The following ABCB4 variants were observed in gnomAD, a reference collection of about 807,000 sequenced individuals.
ABCB4 encodes ATP binding cassette subfamily B member 4, also known as phosphatidylcholine translocator ABCB4.
Under a neutral mutation model 145.7 loss-of-function variants are expected in ABCB4, and 76 were observed. That is an observed-to-expected ratio of 0.52 (90% CI 0.43 to 0.63). The LOEUF (loss-of-function observed/expected upper bound fraction) is 0.63, where lower values mean the gene tolerates loss of function less well. Ranked by LOEUF, ABCB4 falls within the 30% of genes least tolerant of loss-of-function variation. ABCB4 has a pLI of 0.00. For synonymous variants in ABCB4, 517 were observed against 566.8 expected (o/e 0.91, Z 1.25); for missense variants, 1,234 against 1,553.1 (o/e 0.79, Z 3.45).
chr7:87,378,173 G>A, the ABCB4 span, among the ~76,000 whole-genome samples: 3 of 151,716 alleles, frequency 2.0e-5, no homozygotes, highest in Non-Finnish European at 4.4e-5. Flanking sequence ...ATGAAACCCC[G>A]TCTCTACAAA....
At chr7:87,440,153 G>A in intron 13 of ABCB4, 46 bp downstream of exon 13, 1 of 1,558,694 alleles carries the variant, frequency 6.4e-7, no homozygotes, top group African/African-American at 1.4e-5. Flanking sequence ...AGTCCTATGA[G>A]GTGAAATTCT....
At position 87,427,970 on chromosome 7, in the gene ABCB4, G is replaced by GTC. The variant is rs566110022; in HGVS notation, c.1894-1051_1894-1050insGA. 3.3e-5 allele frequency among the ~76,000 whole-genome samples: 5 copies of GTC among 152,110 alleles called. No individual in the cohort carries two copies. In the South Asian group the frequency reaches 1.0e-3, roughly 32 times the overall value. ...TCTCACTGCCATCTGTTCCCACACT[G>GTC]CTACCAGATTTATTTTCCTAAAGGG... On this transcript the variant is annotated intron_variant, in intron 15 of 27. Coordinates refer to ENST00000649586, the MANE Select transcript of ABCB4 (RefSeq NM_000443.4).
At chr7:87,427,527 C>T (rs1809923568) in intron 15 of ABCB4, among the ~76,000 whole-genome samples, 1 of 152,156 alleles carries the variant, frequency 6.6e-6, no homozygotes, top group African/African-American at 2.4e-5. Context: ...TAGTTCACTG[C>T]CTAGTAAGGG....
intron 3 of ABCB4, among the ~76,000 whole-genome samples, chr7:87,468,377 C>T (rs1194745010): frequency 2.6e-5 from 4 of 151,638 alleles, no homozygotes; most frequent in Non-Finnish European, 5.9e-5. Context: ...AGACCAATAA[C>T]GGGCTCTGAA....
At chr7:87,405,412 G>A (rs542479931) in intron 26 of ABCB4, among the ~76,000 whole-genome samples, 1 of 149,906 alleles carries the variant, frequency 6.7e-6, no homozygotes, top group East Asian at 2.0e-4. Context: ...TTATGGAGAT[G>A]AGAATGTTCT....
chr7:87,470,001 G>T (rs1208023100), intron 3 of ABCB4, among the ~76,000 whole-genome samples: 1 of 152,264 alleles, frequency 6.6e-6, no homozygotes, highest in South Asian at 2.1e-4. Flanking sequence ...AAACAGCATG[G>T]TACTGGTACC....
intron 12 of ABCB4, 41 bp downstream of exon 12, chr7:87,443,278 T>C (rs1160542726): frequency 6.2e-7 from 1 of 1,613,168 alleles, no homozygotes; most frequent in African/African-American, 1.3e-5. Flanking sequence ...CCAATTTGTA[T>C]CCAGCTTCCC....
chr7:87,400,430 C>CA (rs1807733235), downstream of ABCB4, among the ~76,000 whole-genome samples: 1 of 152,164 alleles, frequency 6.6e-6, no homozygotes, highest in South Asian at 2.1e-4. Context: ...AAGCCCTTTA[C>CA]ACTGTGCCAG....
the ABCB4 span, among the ~76,000 whole-genome samples, chr7:87,366,420 A>G: frequency 1.3e-5 from 2 of 151,738 alleles, no homozygotes; most frequent in Admixed American, 1.3e-4. Context: ...CCTCCTGCCC[A>G]TTCCCCTTCA....
intron 5 of ABCB4, among the ~76,000 whole-genome samples, 162 bp downstream of exon 5, chr7:87,454,373 T>A (rs1429433326): frequency 6.6e-6 from 1 of 152,236 alleles, no homozygotes; most frequent in Non-Finnish European, 1.5e-5. Flanking sequence ...TAAAGGGCCA[T>A]GATGTGTGCA....
intron 15 of ABCB4, among the ~76,000 whole-genome samples, chr7:87,427,916 C>T (rs1315701855): frequency 2.0e-5 from 3 of 152,114 alleles, no homozygotes; most frequent in Non-Finnish European, 4.4e-5. Flanking sequence ...CCAACCTAGG[C>T]TGCAGACTTT....
In ABCB4 at chr7:87,403,456, G is replaced by T. The variant is rs1807951430; in HGVS notation, c.3487-175C>A. ...AAACTAGTGACTTTAATTCTCAATG[G>T]TATTCTACAATAGGCTATCTTATAA... On this transcript the variant is annotated intron_variant, in intron 26 of 27. Coordinates refer to ENST00000649586, the MANE Select transcript of ABCB4 (RefSeq NM_000443.4). 14 of 618,928 alleles carry T rather than the reference G, an allele frequency of 2.3e-5. No homozygotes were observed. In the South Asian group the frequency reaches 2.7e-4, roughly 12 times the overall value. 38.3% of individuals were successfully genotyped at this position (618,928 alleles called of 1,614,324 possible). A position where few individuals can be genotyped will look rare whatever the true frequency, so the allele number is the denominator to read the frequency against.
intron 16 of ABCB4, 91 bp from the exon 17 acceptor site, chr7:87,424,143 G>T (rs555842596): frequency 1.3e-6 from 2 of 1,525,376 alleles, no homozygotes; most frequent in Non-Finnish European, 1.8e-6. Context: ...TTGCCCTCAA[G>T]GGACTCGCAA....
At chr7:87,398,469 C>G, downstream of ABCB4, 3 of 1,600,906 alleles carry the variant, frequency 1.9e-6, no homozygotes, top group Non-Finnish European at 2.6e-6. Context: ...GTTGTATTCA[C>G]CATCACTATT....
the ABCB4 span, among the ~76,000 whole-genome samples, chr7:87,389,668 T>C: frequency 6.6e-6 from 1 of 152,158 alleles, no homozygotes; most frequent in Non-Finnish European, 1.5e-5. Flanking sequence ...AAATGCCTAA[T>C]GTAGATGATG....
the ABCB4 span, among the ~76,000 whole-genome samples, chr7:87,372,033 A>G: frequency 6.8e-4 from 103 of 150,814 alleles, 3 homozygotes; most frequent in South Asian, 0.021. Flanking sequence ...AAAAAAAGCT[A>G]TATCTAGTCA....
At chr7:87,375,874 T>C in the ABCB4 span, 53 of 1,613,394 alleles carry the variant, frequency 3.3e-5, no homozygotes, top group Non-Finnish European at 4.3e-5. Flanking sequence ...TTGGCTTTGT[T>C]AGAAAAAATT....
chr7:87,474,132 C>G (rs1813628311), intron 2 of ABCB4, among the ~76,000 whole-genome samples: 1 of 152,194 alleles, frequency 6.6e-6, no homozygotes, highest in African/African-American at 2.4e-5. Flanking sequence ...TGAGGACTTT[C>G]CTGGGTTCTG....
At chr7:87,406,973 T>G (rs1808245063) in intron 25 of ABCB4, among the ~76,000 whole-genome samples, 1 of 152,214 alleles carries the variant, frequency 6.6e-6, no homozygotes, top group Non-Finnish European at 1.5e-5. Flanking sequence ...TGAAAACTAC[T>G]AGCCTTAACT....
Sources: gnomAD v4.1 joint callset for allele counts (sites outside exome capture counted in the v4.1 genomes callset) on GRCh38, gnomAD v4.1.1 for gene constraint, MANE v1.5 for transcripts, NCBI Gene and HGNC (gene_info 2026-07-23, HGNC 2026-07-21) for gene names.